Variants in CUTC observed in about 807,000 individuals in gnomAD.
CUTC encodes cutC copper transporter, also known as copper homeostasis protein cutC homolog.
Under a neutral mutation model 36.2 loss-of-function variants are expected in CUTC, and 27 were observed. The observed-to-expected ratio is 0.75, with a 90% CI of 0.55 to 1.03. CUTC has a LOEUF of 1.03. Among genes scored for constraint, CUTC ranks in the 50% least tolerant of loss-of-function variants. The probability of loss-of-function intolerance (pLI) is 0.00; values close to 1 mark genes in which losing one functional copy is unlikely to be tolerated. For missense variants in CUTC, 315 were observed against 343.5 expected (o/e 0.92, Z 0.66); for synonymous variants, 114 against 118.3 (o/e 0.96, Z 0.24).
intron 3 of CUTC, among the ~76,000 whole-genome samples, chr10:99,742,182 C>G (rs1021229215): frequency 1.3e-5 from 2 of 152,156 alleles, no homozygotes; most frequent in South Asian, 4.1e-4. Flanking sequence ...TTGCAAACCA[C>G]TGTTTCATAT....
chr10:99,736,203 G>A, intron 1 of CUTC, 43 bp from the exon 2 acceptor site: 1 of 1,556,508 alleles, frequency 6.4e-7, no homozygotes, highest in Non-Finnish European at 8.9e-7. Context: ...GGTCTGGATG[G>A]ATAGAACCTT....
At chr10:99,740,887 G>T (rs1263981341) in intron 3 of CUTC, among the ~76,000 whole-genome samples, 1 of 152,098 alleles carries the variant, frequency 6.6e-6, no homozygotes, top group Non-Finnish European at 1.5e-5. Context: ...CTCCTGGTAT[G>T]TTTTCATCTC....
chr10:99,755,671 T>G lies in CUTC; in HGVS notation c.754T>G (p.Ser252Ala), dbSNP rs377431430. The change falls in exon 9 of 9, where the codon TCC becomes GCC. Residue 252 changes from serine (S) to alanine (A), a missense_variant. Coordinates refer to ENST00000370476, the MANE Select transcript of CUTC (RefSeq NM_015960.3). ...MGASLSCSEY[S>A]LKVTDVTKVR... is the part of the protein sequence containing the mutation. ...AGCCTCACTTTCTTGCTCAGAATAT[T>G]CCCTAAAGGTAACAGATGTGACCAA... The G allele has an allele frequency of 1.2e-6, 2 of 1,613,830 alleles. No homozygotes were observed. Among genetic ancestry groups the G allele is most frequent in the East Asian group, 2.2e-5 (1 of 44,880 alleles).
At chr10:99,748,810 G>T (rs2037397867) in intron 6 of CUTC, among the ~76,000 whole-genome samples, 2 of 152,136 alleles carry the variant, frequency 1.3e-5, no homozygotes, top group Non-Finnish European at 2.9e-5. Context: ...TGGTGGAATT[G>T]TTCCATACAA....
intron 7 of CUTC, among the ~76,000 whole-genome samples, chr10:99,753,282 C>T: frequency 6.6e-6 from 1 of 152,114 alleles, no homozygotes; most frequent in Non-Finnish European, 1.5e-5. Context: ...CAGTATTATC[C>T]CTCTTTTATT....
chr10:99,746,534 T>C (rs2037378977), intron 5 of CUTC, among the ~76,000 whole-genome samples: 1 of 152,198 alleles, frequency 6.6e-6, no homozygotes, highest in Admixed American at 6.5e-5. Context: ...AAAGTAAATT[T>C]ATTTTAAATA....
rs1328751580 is a variant in CUTC at position 99,750,345 on chromosome 10, TTG to T, written c.574-22_574-21del. On this transcript the variant is annotated intron_variant, in intron 6 of 8. Transcript: ENST00000370476. ...TCAAGAGAAAGATATTAAAATTCAC[TTG>T]TTTTTTTTTTTCTTTTTTCAGGCAA... 13 of 1,567,644 alleles carry T rather than the reference TTG, an allele frequency of 8.3e-6. No homozygotes were observed. In the African/African-American group the frequency reaches 1.8e-4, roughly 22 times the overall value.
intron 5 of CUTC, 68 bp downstream of exon 5, chr10:99,744,140 A>C: frequency 1.6e-6 from 2 of 1,268,768 alleles, no homozygotes; most frequent in Non-Finnish European, 2.3e-6. Context: ...AACTGCCACC[A>C]CCTTTTTATG....
chr10:99,742,467 A>T (rs2037348472), intron 3 of CUTC, among the ~76,000 whole-genome samples: 1 of 152,192 alleles, frequency 6.6e-6, no homozygotes, highest in African/African-American at 2.4e-5. Context: ...TGTAACACCA[A>T]TTATGATTCA....
In CUTC at chr10:99,738,389, GGTGTGTGTGTGTGTGTGTGTGT is replaced by G. The variant is rs10693937; in HGVS notation, c.134-1304_134-1283del. 3.5e-5 allele frequency among the ~76,000 whole-genome samples: 5 copies of G among 142,860 alleles called. No homozygotes were observed. The South Asian group carries it at 9.2e-4, about 26-fold the overall frequency. The allele number at this position is 142,860 out of a possible 152,430, so 93.7% of individuals were successfully genotyped here. A position where few individuals can be genotyped will look rare whatever the true frequency, so the allele number is the denominator to read the frequency against. On this transcript the variant is annotated intron_variant, in intron 2 of 8. Transcript: ENST00000370476. ...AGATTTCTCCAGTTGACTCATACAG[GGTGTGTGTGTGTGTGTGTGTGT>G]GTGTGTGTGTGTGTGTACAGTTCTT...
chr10:99,739,332 A>C, intron 2 of CUTC, among the ~76,000 whole-genome samples: 1 of 152,208 alleles, frequency 6.6e-6, no homozygotes, highest in South Asian at 2.1e-4. Context: ...TTTAAAGCTT[A>C]GAATAATAAA....
intron 2 of CUTC, among the ~76,000 whole-genome samples, chr10:99,737,494 G>T (rs184623286): frequency 4.8e-4 from 73 of 152,272 alleles, no homozygotes; most frequent in African/African-American, 1.7e-3. Flanking sequence ...CATGAGAAGG[G>T]TAGGTGACTG....
chr10:99,745,844 A>G (rs1202217442), intron 5 of CUTC, among the ~76,000 whole-genome samples: 1 of 152,216 alleles, frequency 6.6e-6, no homozygotes, highest in Non-Finnish European at 1.5e-5. Context: ...GCGACAGAGC[A>G]AGACTGCATC....
At chr10:99,734,937 T>C (rs1646496293) in intron 1 of CUTC, among the ~76,000 whole-genome samples, 1 of 151,688 alleles carries the variant, frequency 6.6e-6, no homozygotes, top group Non-Finnish European at 1.5e-5. Flanking sequence ...ACCCCATCTC[T>C]ACAAAAAATA....
At chr10:99,737,174 G>A (rs2037303963) in intron 2 of CUTC, among the ~76,000 whole-genome samples, 1 of 151,940 alleles carries the variant, frequency 6.6e-6, no homozygotes, top group Non-Finnish European at 1.5e-5. Context: ...GGAGGCTAAG[G>A]TGGGAGGATC....
chr10:99,747,573 C>T (rs958712817), intron 6 of CUTC, among the ~76,000 whole-genome samples, 183 bp downstream of exon 6: 1 of 152,228 alleles, frequency 6.6e-6, no homozygotes, highest in African/African-American at 2.4e-5. Context: ...ATAACCAAGG[C>T]TTTCAAGATC....
chr10:99,752,625 T>A (rs1255981085), intron 7 of CUTC, among the ~76,000 whole-genome samples: 1 of 152,218 alleles, frequency 6.6e-6, no homozygotes, highest in Admixed American at 6.5e-5. Context: ...AGTACCTTTG[T>A]TTAATATGCA....
At chr10:99,740,991 CT>C (rs1222560543) in intron 3 of CUTC, among the ~76,000 whole-genome samples, 1 of 152,180 alleles carries the variant, frequency 6.6e-6, no homozygotes, top group Non-Finnish European at 1.5e-5. Flanking sequence ...GTTATGATAG[CT>C]GTTATAATGA....
In CUTC at chr10:99,744,033, A is replaced by G. The variant is rs779947018; in HGVS notation, c.404-4A>G. On this transcript the variant is annotated splice_polypyrimidine_tract_variant and splice_region_variant and intron_variant, in intron 4 of 8. Transcript: ENST00000370476. ...CATGTTGTTATATGACTTTCTTTTT[A>G]TAGCTATTTGCCGCCCTCTGCCAGT... 3.1e-6 allele frequency: 5 copies of G among 1,611,378 alleles called. No individual in the cohort carries two copies. Among genetic ancestry groups the G allele is most frequent in the Non-Finnish European group, 3.4e-6 (4 of 1,178,522 alleles).
Sources: allele counts gnomAD v4.1 joint callset (sites outside exome capture counted in the v4.1 genomes callset), GRCh38; gene constraint gnomAD v4.1.1; transcripts MANE v1.5; gene names NCBI Gene and HGNC (gene_info 2026-07-23, HGNC 2026-07-21).